Variants in INPP4B observed in about 807,000 individuals in gnomAD.
The protein encoded by INPP4B is inositol polyphosphate 4-phosphatase type II.
A neutral mutation model predicts 122.5 loss-of-function variants in INPP4B; 55 were observed. That is an observed-to-expected ratio of 0.45 (90% CI 0.36 to 0.56). INPP4B has a LOEUF of 0.56. INPP4B is among the 20% of genes least tolerant of loss of function. The pLI is 0.00. For missense variants in INPP4B, 1,000 were observed against 1,097.7 expected, an observed-to-expected ratio of 0.91 and a Z score of 1.26; for synonymous variants, 403 against 388.7, an observed-to-expected ratio of 1.04 and a Z score of -0.43.
chr4:142,494,705 C>A (rs1189398422), intron 2 of INPP4B, among the ~76,000 whole-genome samples: 1 of 152,146 alleles, frequency 6.6e-6, no homozygotes, highest in South Asian at 2.1e-4. Context: ...AGGTAATATG[C>A]ATTTTTCCCT....
chr4:142,736,893 G>C (rs975804952), intron 1 of INPP4B, among the ~76,000 whole-genome samples: 2 of 152,154 alleles, frequency 1.3e-5, no homozygotes, highest in African/African-American at 2.4e-5. Flanking sequence ...CAAAGGGAAT[G>C]CTTCCAGTTT....
At chr4:142,193,361 T>A (rs1836808775) in intron 14 of INPP4B, among the ~76,000 whole-genome samples, 166 bp from the exon 15 acceptor site, 1 of 152,170 alleles carries the variant, frequency 6.6e-6, no homozygotes, top group Non-Finnish European at 1.5e-5. Context: ...GAGCTAATAA[T>A]CAATCTTTCT....
intron 2 of INPP4B, among the ~76,000 whole-genome samples, chr4:142,609,026 C>T (rs1010622861): frequency 9.2e-5 from 14 of 152,064 alleles, no homozygotes; most frequent in Admixed American, 2.6e-4. Flanking sequence ...AGTTCAGTCT[C>T]GCTACATGAA....
At chr4:142,070,371 G>T (rs1372618967) in intron 25 of INPP4B, among the ~76,000 whole-genome samples, 1 of 152,140 alleles carries the variant, frequency 6.6e-6, no homozygotes, top group Non-Finnish European at 1.5e-5. Flanking sequence ...CAAACCTACA[G>T]CCAATATCAT....
chr4:142,710,833 G>A (rs1214705321), intron 2 of INPP4B, among the ~76,000 whole-genome samples: 1 of 152,118 alleles, frequency 6.6e-6, no homozygotes, highest in African/African-American at 2.4e-5. Context: ...GGTGTACATT[G>A]TTCATATCTT....
chr4:142,189,713 T>G (rs931100933), intron 15 of INPP4B, among the ~76,000 whole-genome samples: 3 of 152,102 alleles, frequency 2.0e-5, no homozygotes, highest in Non-Finnish European at 4.4e-5. Flanking sequence ...GGAAAAGGTA[T>G]AAATACATGA....
chr4:142,505,826 C>T (rs1823952774), intron 2 of INPP4B, among the ~76,000 whole-genome samples: 1 of 152,098 alleles, frequency 6.6e-6, no homozygotes, highest in Non-Finnish European at 1.5e-5. Flanking sequence ...CATTCAAGAT[C>T]TTCAAAATCT....
chr4:142,152,124 A>G (rs939886669), intron 17 of INPP4B, among the ~76,000 whole-genome samples: 2 of 121,888 alleles, frequency 1.6e-5, no homozygotes, highest in Non-Finnish European at 3.1e-5. Flanking sequence ...CCCAGGCTGG[A>G]GTGCAGTGCC....
rs1580755726 is a variant in INPP4B at position 142,712,789 on chromosome 4, A to C, written c.-191+13050T>G. On this transcript the variant is annotated intron_variant, in intron 2 of 25. Coordinates refer to ENST00000262992, the MANE Select transcript of INPP4B (RefSeq NM_001101669.3). ...CATTCCTAGGGAGAGGAAAGAAAAC[A>C]ACTTAATTTTCTCTCAACATCCCCA... Among the ~76,000 whole-genome samples the C allele has an allele frequency of 2.0e-5, 3 of 152,330 alleles. No homozygotes were observed. In the East Asian group the frequency reaches 5.8e-4, roughly 29 times the overall value.
At chr4:142,521,579 T>C (rs1338591155) in intron 2 of INPP4B, among the ~76,000 whole-genome samples, 2 of 152,090 alleles carry the variant, frequency 1.3e-5, no homozygotes, top group African/African-American at 4.8e-5. Context: ...AGCTACATAA[T>C]AATGAAACAT....
intron 7 of INPP4B, among the ~76,000 whole-genome samples, chr4:142,356,660 G>A (rs1006229581): frequency 1.2e-4 from 18 of 152,062 alleles, no homozygotes; most frequent in African/African-American, 4.1e-4. Context: ...AGTGATAGAA[G>A]TGTTAGGTGC....
intron 2 of INPP4B, among the ~76,000 whole-genome samples, chr4:142,464,717 AAAT>A (rs1171941618): frequency 2.2e-4 from 34 of 152,190 alleles, no homozygotes; most frequent in African/African-American, 7.0e-4. Context: ...TCAAAACAGA[AAAT>A]AATATAGAAA....
intron 17 of INPP4B, among the ~76,000 whole-genome samples, chr4:142,150,869 T>C (rs1813530498): frequency 6.6e-6 from 1 of 152,178 alleles, no homozygotes; most frequent in South Asian, 2.1e-4. Flanking sequence ...ATATATTCCG[T>C]AATACTTAGC....
At chr4:142,435,991 C>A (rs1810417648) in intron 3 of INPP4B, among the ~76,000 whole-genome samples, 1 of 152,302 alleles carries the variant, frequency 6.6e-6, no homozygotes, top group Non-Finnish European at 1.5e-5. Context: ...CAGCTGCTAG[C>A]TACTTAATAC....
At chr4:142,355,489 T>A (rs1196156333) in intron 7 of INPP4B, among the ~76,000 whole-genome samples, 1 of 152,024 alleles carries the variant, frequency 6.6e-6, no homozygotes, top group African/African-American at 2.4e-5. Context: ...TGCTATGCTT[T>A]TATACAATTT....
chr4:142,802,555 C>T (rs1226240153), intron 1 of INPP4B, among the ~76,000 whole-genome samples: 2 of 152,148 alleles, frequency 1.3e-5, no homozygotes, highest in Non-Finnish European at 2.9e-5. Flanking sequence ...TAATCCCTCA[C>T]TGTTTATTCC....
At chr4:142,374,121 A>G (rs2148746475) in intron 7 of INPP4B, among the ~76,000 whole-genome samples, 1 of 152,056 alleles carries the variant, frequency 6.6e-6, no homozygotes, top group African/African-American at 2.4e-5. Flanking sequence ...GACAACAATT[A>G]TCTCATTTTG....
At chr4:142,795,374 G>T (rs896301384) in intron 1 of INPP4B, 7 of 152,056 alleles carry the variant, frequency 4.6e-5, no homozygotes, top group Admixed American at 4.6e-4. Flanking sequence ...AAAGGCAATT[G>T]TTCTCTTTCT....
chr4:142,598,700 A>G (rs1425002734), intron 2 of INPP4B, among the ~76,000 whole-genome samples: 1 of 152,180 alleles, frequency 6.6e-6, no homozygotes. Context: ...GGCTGAGACA[A>G]GCAACCCCAA....
Sources: gnomAD v4.1 joint callset for allele counts (sites outside exome capture counted in the v4.1 genomes callset) on GRCh38, gnomAD v4.1.1 for gene constraint, MANE v1.5 for transcripts, NCBI Gene and HGNC (gene_info 2026-07-23, HGNC 2026-07-21) for gene names.